The following CADM2 variants were observed in gnomAD, a reference collection of about 807,000 sequenced individuals.
CADM2 encodes the protein immunoglobulin superfamily member 4D.
CADM2 carries 12 observed loss-of-function variants against 49.8 expected under a neutral mutation model. That is an observed-to-expected ratio of 0.24 (90% CI 0.15 to 0.39). The LOEUF (loss-of-function observed/expected upper bound fraction) is 0.39. CADM2 is among the 10% of genes least tolerant of loss of function. CADM2 has a pLI of 1.00. For synonymous variants in CADM2, 214 were observed against 175.4 expected, an observed-to-expected ratio of 1.22 and a Z score of -1.74; for missense variants, 378 against 492.3, an observed-to-expected ratio of 0.77 and a Z score of 2.20.
chr3:85,984,568 C>G (rs1056313413), intron 8 of CADM2, among the ~76,000 whole-genome samples: 5 of 151,672 alleles, frequency 3.3e-5, no homozygotes, highest in African/African-American at 4.8e-5. Context: ...ATTTTCTAAG[C>G]TAACAATTGA....
rs1281538684 is a variant in CADM2 at position 85,995,451 on chromosome 3, TAA to T, written c.970+33805_970+33806del. ...GTATGATGATATATTCATCATATGC[TAA>T]GTTTGTCATAATACCCCTGAATAAT... On this transcript the variant is annotated intron_variant, in intron 8 of 9. Coordinates refer to ENST00000383699, the MANE Select transcript of CADM2 (RefSeq NM_001167675.2). Among the ~76,000 whole-genome samples the T allele has an allele frequency of 3.9e-5, 6 of 152,280 alleles. 1 individual carries two copies. The highest frequency in any genetic ancestry group is 1.9e-4 in the East Asian group (1 of 5,168).
At chr3:85,524,207 C>G (rs981980862) in intron 1 of CADM2, among the ~76,000 whole-genome samples, 4 of 151,860 alleles carry the variant, frequency 2.6e-5, no homozygotes, top group African/African-American at 4.8e-5. Flanking sequence ...TCTTTGTTGT[C>G]CTGTTTTCTA....
At chr3:85,513,952 T>C (rs1434702718) in intron 1 of CADM2, among the ~76,000 whole-genome samples, 2 of 152,066 alleles carry the variant, frequency 1.3e-5, no homozygotes, top group African/African-American at 4.8e-5. Context: ...ATATAGCTAT[T>C]AGTATTAGCA....
chr3:86,046,787 C>G (rs191110392), intron 8 of CADM2, among the ~76,000 whole-genome samples: 1 of 151,702 alleles, frequency 6.6e-6, no homozygotes, highest in East Asian at 1.9e-4. Flanking sequence ...CCCAACCCCC[C>G]CTCATTGTGC....
chr3:85,974,178 A>C (rs541609302), intron 8 of CADM2, among the ~76,000 whole-genome samples: 1 of 151,816 alleles, frequency 6.6e-6, no homozygotes, highest in Non-Finnish European at 1.5e-5. Flanking sequence ...GGAAGATATT[A>C]ACTCTTTGCA....
chr3:85,717,673 G>A (rs1037101502), intron 1 of CADM2, among the ~76,000 whole-genome samples: 2 of 152,172 alleles, frequency 1.3e-5, no homozygotes, highest in African/African-American at 4.8e-5. Flanking sequence ...TCAATACCTA[G>A]TTTATTGAGT....
chr3:85,774,687 T>C (rs1462820348), intron 2 of CADM2, among the ~76,000 whole-genome samples: 6 of 151,776 alleles, frequency 4.0e-5, no homozygotes, highest in African/African-American at 1.4e-4. Flanking sequence ...ATTTTAATCT[T>C]TATTTTACTG....
intron 8 of CADM2, among the ~76,000 whole-genome samples, chr3:85,982,849 G>T (rs1727645196): frequency 6.6e-6 from 1 of 151,586 alleles, no homozygotes; most frequent in Non-Finnish European, 1.5e-5. Flanking sequence ...GACCTAAACA[G>T]AAAGAATATT....
chr3:85,385,820 A>G (rs2034197421), intron 1 of CADM2: 1 of 113,408 alleles, frequency 8.8e-6, no homozygotes, highest in Non-Finnish European at 1.9e-5. Flanking sequence ...TTTTTTGGAA[A>G]CTAGATGCCT....
At chr3:84,982,328 A>G (rs2032230738) in intron 1 of CADM2, among the ~76,000 whole-genome samples, 1 of 152,186 alleles carries the variant, frequency 6.6e-6, no homozygotes, top group Admixed American at 6.5e-5. Flanking sequence ...TTCAAAATAA[A>G]TATAAGCCTA....
chr3:85,526,985 C>T (rs375367137), intron 1 of CADM2, among the ~76,000 whole-genome samples: 7 of 152,010 alleles, frequency 4.6e-5, no homozygotes, highest in South Asian at 2.1e-4. Flanking sequence ...GCTTCTTTGT[C>T]GTAAAATAAT....
intron 2 of CADM2, among the ~76,000 whole-genome samples, chr3:85,791,165 CT>C (rs2108030812): frequency 6.6e-6 from 1 of 152,242 alleles, no homozygotes; most frequent in African/African-American, 2.4e-5. Flanking sequence ...AGTTATCAGT[CT>C]TAGTTTTTCC....
intron 1 of CADM2, among the ~76,000 whole-genome samples, chr3:85,075,954 G>A (rs1157001898): frequency 1.3e-5 from 2 of 151,482 alleles, no homozygotes; most frequent in Non-Finnish European, 2.9e-5. Context: ...TAATTACCAT[G>A]ATAATAGTGA....
chr3:85,412,100 G>C (rs1049294710), intron 1 of CADM2, among the ~76,000 whole-genome samples: 1 of 152,078 alleles, frequency 6.6e-6, no homozygotes, highest in African/African-American at 2.4e-5. Flanking sequence ...AAAGTTATGG[G>C]ATTAAAGGAG....
At chr3:86,062,156 TAA>T (rs761036536) in intron 8 of CADM2, among the ~76,000 whole-genome samples, 45 of 152,130 alleles carry the variant, frequency 3.0e-4, no homozygotes, top group Non-Finnish European at 5.4e-4. Flanking sequence ...CTAAGTTCTC[TAA>T]AAGAGTGCCC....
intron 8 of CADM2, among the ~76,000 whole-genome samples, chr3:86,045,402 T>G (rs1423255225): frequency 3.3e-5 from 5 of 152,108 alleles, no homozygotes; most frequent in Non-Finnish European, 7.4e-5. Flanking sequence ...TTCTTCCTCT[T>G]TTATAAAGGC....
chr3:85,742,831 GA>G (rs1299706790), intron 2 of CADM2, among the ~76,000 whole-genome samples: 1 of 152,132 alleles, frequency 6.6e-6, no homozygotes, highest in Non-Finnish European at 1.5e-5. Flanking sequence ...GAGCTTGCTG[GA>G]GCACTTCTCG....
At position 85,241,781 on chromosome 3, in the gene CADM2, A is replaced by G. The variant is rs2042536317; in HGVS notation, c.61+282113A>G. Among the ~76,000 whole-genome samples the G allele has an allele frequency of 2.0e-5, 3 of 151,666 alleles. No individual in the cohort carries two copies. The South Asian group carries it at 6.2e-4, about 31-fold the overall frequency. On this transcript the variant is annotated intron_variant, in intron 1 of 9. Coordinates refer to ENST00000383699, the MANE Select transcript of CADM2 (RefSeq NM_001167675.2). ...GTGGAATCAATCAAAGAATAGCCTCATCTCTTTCAGGTAGGTCATTTACTT... is the reference window on the plus strand; with the variant it reads ...GTGGAATCAATCAAAGAATAGCCTCGTCTCTTTCAGGTAGGTCATTTACTT...
chr3:85,369,338 A>T (rs931569102), intron 1 of CADM2, among the ~76,000 whole-genome samples: 2 of 152,358 alleles, frequency 1.3e-5, no homozygotes, highest in South Asian at 2.1e-4. Flanking sequence ...GTGGTCCCAG[A>T]AGATTATAAT....
Sources: allele counts gnomAD v4.1 joint callset (sites outside exome capture counted in the v4.1 genomes callset), GRCh38; gene constraint gnomAD v4.1.1; transcripts MANE v1.5; gene names NCBI Gene and HGNC (gene_info 2026-07-23, HGNC 2026-07-21).